SH3D19: variants seen among roughly 807,000 people sequenced by gnomAD.
The protein encoded by SH3D19 is SH3 domain-containing protein 19.
Under a neutral mutation model 112.1 loss-of-function variants are expected in SH3D19, and 58 were observed. The observed-to-expected ratio is 0.52, with a 90% CI of 0.42 to 0.64. The LOEUF is 0.64. Among genes scored for constraint, SH3D19 ranks in the 30% least tolerant of loss-of-function variants. The pLI, the probability that SH3D19 is intolerant of heterozygous loss-of-function variation, is 0.00. For synonymous variants in SH3D19, 391 were observed against 448.5 expected, an observed-to-expected ratio of 0.87 and a Z score of 1.62; for missense variants, 1,090 against 1,263.4, an observed-to-expected ratio of 0.86 and a Z score of 2.08.
chr4:151,280,047 G>T, intron 1 of SH3D19: 1 of 719,756 alleles, frequency 1.4e-6, no homozygotes, highest in Non-Finnish European at 2.0e-6. Flanking sequence ...AAATGAAAGT[G>T]GTAAAATAGG....
chr4:151,255,432 G>T (rs949191652), intron 1 of SH3D19, among the ~76,000 whole-genome samples: 5 of 150,320 alleles, frequency 3.3e-5, no homozygotes, highest in African/African-American at 1.2e-4. Flanking sequence ...GAGGATGGGC[G>T]GCCGGGCAGA....
intron 4 of SH3D19, among the ~76,000 whole-genome samples, chr4:151,178,215 C>G (rs149113767): frequency 4.6e-5 from 7 of 152,208 alleles, no homozygotes; most frequent in Non-Finnish European, 1.0e-4. Context: ...TTTAAATTTT[C>G]TCTTAAACCT....
chr4:151,202,850 G>C (rs1334475319), intron 2 of SH3D19, among the ~76,000 whole-genome samples: 1 of 152,142 alleles, frequency 6.6e-6, no homozygotes, highest in African/African-American at 2.4e-5. Flanking sequence ...CCCAAAACTA[G>C]TGTGATAAAG....
At chr4:151,269,986 T>C (rs1259652242) in intron 1 of SH3D19, among the ~76,000 whole-genome samples, 1 of 152,114 alleles carries the variant, frequency 6.6e-6, no homozygotes, top group Non-Finnish European at 1.5e-5. Flanking sequence ...TATGGAGCTG[T>C]CATCTACTAT....
At chr4:151,148,282 C>T in intron 10 of SH3D19, 96 bp from the exon 11 acceptor site, 1 of 776,356 alleles carries the variant, frequency 1.3e-6, no homozygotes, top group Admixed American at 3.4e-5. Context: ...CACACACACA[C>T]ACACACAGAG....
At chr4:151,291,071 T>C in intron 1 of SH3D19, 2 of 1,436,636 alleles carry the variant, frequency 1.4e-6, no homozygotes, top group South Asian at 2.5e-5. Flanking sequence ...TACTCTCTTC[T>C]TTATGCCTCT....
chr4:151,159,406 G>T, intron 8 of SH3D19, 54 bp from the exon 9 acceptor site: 2 of 1,046,624 alleles, frequency 1.9e-6, no homozygotes, highest in South Asian at 3.1e-5. Flanking sequence ...GGATTCCAAA[G>T]AATGAAATGA....
At chr4:151,201,241 A>C (rs75654087) in intron 2 of SH3D19, among the ~76,000 whole-genome samples, 43 of 152,366 alleles carry the variant, frequency 2.8e-4, no homozygotes, top group African/African-American at 1.0e-3. Context: ...TCACATGTAG[A>C]TGCCATTACA....
At chr4:151,207,270 A>G (rs553771797) in intron 2 of SH3D19, among the ~76,000 whole-genome samples, 1 of 152,358 alleles carries the variant, frequency 6.6e-6, no homozygotes, top group South Asian at 2.1e-4. Context: ...AATCTACAAG[A>G]GGAACAATTA....
intron 3 of SH3D19, among the ~76,000 whole-genome samples, chr4:151,182,897 T>C (rs964001373): frequency 1.3e-5 from 2 of 152,220 alleles, no homozygotes; most frequent in Non-Finnish European, 2.9e-5. Context: ...CACAAGCTGC[T>C]AGTCTGGTAC....
intron 1 of SH3D19, among the ~76,000 whole-genome samples, chr4:151,302,986 T>C (rs1275967666): frequency 6.6e-6 from 1 of 151,888 alleles, no homozygotes; most frequent in Non-Finnish European, 1.5e-5. Context: ...CTGCATGTTG[T>C]GCACATGTAC....
chr4:151,291,270 A>G (rs377543396), intron 1 of SH3D19: 21 of 1,613,914 alleles, frequency 1.3e-5, no homozygotes, highest in African/African-American at 4.0e-5. Flanking sequence ...CTATTTCAAG[A>G]GCCAACAATC....
chr4:151,158,041 AT>A (rs987492884), intron 9 of SH3D19, among the ~76,000 whole-genome samples: 2 of 152,210 alleles, frequency 1.3e-5, no homozygotes, highest in African/African-American at 4.8e-5. Flanking sequence ...CAGGATGACT[AT>A]AGTTAACAAT....
At chr4:151,258,973 G>C (rs1772160515) in intron 1 of SH3D19, among the ~76,000 whole-genome samples, 1 of 152,042 alleles carries the variant, frequency 6.6e-6, no homozygotes, top group Admixed American at 6.5e-5. Context: ...GTAGGGACAG[G>C]GGCTTCAGAC....
chr4:151,300,325 C>A (rs761408075), intron 1 of SH3D19, among the ~76,000 whole-genome samples: 2 of 151,930 alleles, frequency 1.3e-5, no homozygotes, highest in East Asian at 3.9e-4. Flanking sequence ...CAGCTTTGCA[C>A]AATTTTTTTT....
intron 1 of SH3D19, among the ~76,000 whole-genome samples, chr4:151,255,545 GGGCAGCCAGGC>G (rs1771817748): frequency 6.6e-6 from 1 of 151,146 alleles, no homozygotes; most frequent in Non-Finnish European, 1.5e-5. Flanking sequence ...TTTCCAGACT[GGGCAGCCAGGC>G]AGAGGGGCTC....
At chr4:151,282,481 T>TGG in intron 1 of SH3D19, 2 of 1,523,640 alleles carry the variant, frequency 1.3e-6, no homozygotes, top group Non-Finnish European at 1.8e-6. Context: ...ATTCATATTC[T>TGG]AGGCATATCC....
chr4:151,212,728 T>C (rs985967918), intron 2 of SH3D19, among the ~76,000 whole-genome samples: 3 of 152,212 alleles, frequency 2.0e-5, no homozygotes, highest in African/African-American at 7.2e-5. Flanking sequence ...CTGCAACCCA[T>C]GGATCAAGGA....
At chr4:151,309,248 GC>G (rs1356098468) in intron 1 of SH3D19, among the ~76,000 whole-genome samples, 1 of 152,180 alleles carries the variant, frequency 6.6e-6, no homozygotes. Context: ...CCCATTTCTT[GC>G]AAGCTGAAAG....
Sources: allele counts gnomAD v4.1 joint callset (sites outside exome capture counted in the v4.1 genomes callset), GRCh38; gene constraint gnomAD v4.1.1; transcripts MANE v1.5; gene names NCBI Gene and HGNC (gene_info 2026-07-23, HGNC 2026-07-21).